Variants in KDM2A observed in about 807,000 individuals in gnomAD.
KDM2A encodes lysine-specific demethylase 2A.
KDM2A carries 3 observed loss-of-function variants against 137.3 expected under a neutral mutation model. The observed-to-expected ratio is 0.02, with a 90% CI of 0.01 to 0.06. KDM2A has a LOEUF of 0.06. KDM2A is among the 10% of genes least tolerant of loss of function. The pLI, the probability that KDM2A is intolerant of heterozygous loss-of-function variation, is 1.00. For missense variants in KDM2A, 738 were observed against 1,510.6 expected, an observed-to-expected ratio of 0.49 and a Z score of 8.48; for synonymous variants, 512 against 541.5, an observed-to-expected ratio of 0.95 and a Z score of 0.76.
At chr11:67,156,409 C>T (rs1197791068) in intron 2 of KDM2A, among the ~76,000 whole-genome samples, 1 of 151,852 alleles carries the variant, frequency 6.6e-6, no homozygotes, top group Non-Finnish European at 1.5e-5. Flanking sequence ...ATGGTGAAAC[C>T]CTGTCTCTAC....
intron 2 of KDM2A, among the ~76,000 whole-genome samples, chr11:67,122,813 C>G (rs1855629099): frequency 6.6e-6 from 1 of 151,696 alleles, no homozygotes; most frequent in African/African-American, 2.4e-5. Context: ...GTAGCTGGGA[C>G]TATCGGCGCC....
chr11:67,186,940 G>A (rs2136343780), intron 5 of KDM2A, among the ~76,000 whole-genome samples: 1 of 152,262 alleles, frequency 6.6e-6, no homozygotes, highest in East Asian at 1.9e-4. Flanking sequence ...ATTAATTTAA[G>A]TTTAAGGGCA....
chr11:67,147,358 C>G (rs1856276048), intron 2 of KDM2A, among the ~76,000 whole-genome samples: 1 of 151,910 alleles, frequency 6.6e-6, no homozygotes, highest in East Asian at 1.9e-4. Context: ...CTGGCTAACA[C>G]GGTGAAACCC....
At position 67,180,030 on chromosome 11, in the gene KDM2A, A is replaced by G. The variant is rs760880832; in HGVS notation, c.43-49A>G. 9 of 1,570,538 alleles carry G rather than the reference A, an allele frequency of 5.7e-6. No individual in the cohort carries two copies. In the African/African-American group the frequency reaches 8.2e-5, roughly 14 times the overall value. On this transcript the variant is annotated intron_variant, in intron 2 of 20. Transcript: ENST00000529006. ...GGGAAATCTATGACCACTTGTAGGT[A>G]GGCATGAAAAAGTGCATGATTTCAT...
intron 2 of KDM2A, among the ~76,000 whole-genome samples, chr11:67,165,698 C>A (rs573473884): frequency 6.6e-6 from 1 of 152,190 alleles, no homozygotes; most frequent in South Asian, 2.1e-4. Context: ...TCCCTTAATT[C>A]ACTTAAAGAC....
intron 6 of KDM2A, among the ~76,000 whole-genome samples, chr11:67,211,613 CAAAAAAAAAAAAAAA>C (rs377116306): frequency 2.0e-5 from 1 of 50,246 alleles, no homozygotes. Context: ...GACCCTGTCT[CAAAAAAAAAAAAAAA>C]AAAAAAAAAA....
At chr11:67,232,048 G>T in intron 12 of KDM2A, 88 bp downstream of exon 12, 1 of 1,350,418 alleles carries the variant, frequency 7.4e-7, no homozygotes, top group Non-Finnish European at 1.0e-6. Context: ...TAGGAATTTT[G>T]GGTGATCTCT....
intron 10 of KDM2A, among the ~76,000 whole-genome samples, chr11:67,221,478 T>C (rs1261031799): frequency 1.3e-5 from 2 of 152,232 alleles, no homozygotes; most frequent in South Asian, 2.1e-4. Context: ...CACTGACCTA[T>C]GTACTGCAAT....
rs1379233084 is a variant in KDM2A at position 67,217,980 on chromosome 11, C to T, written c.841+96C>T. ...CACCAAGAATAGTTATGATGCTGGGCGTCTGCAGAAAACAACAGTGTTTCT... is the reference window on the plus strand; with the variant it reads ...CACCAAGAATAGTTATGATGCTGGGTGTCTGCAGAAAACAACAGTGTTTCT... On this transcript the variant is annotated intron_variant, in intron 9 of 20. Transcript: ENST00000529006. 2.4e-5 allele frequency: 26 copies of T among 1,096,292 alleles called. No individual in the cohort carries two copies. In the Admixed American group the frequency reaches 7.2e-4, roughly 30 times the overall value. The allele number at this position is 1,096,292 out of a possible 1,614,324, so 67.9% of individuals were successfully genotyped here. A position where few individuals can be genotyped will look rare whatever the true frequency, so the allele number is the denominator to read the frequency against.
intron 12 of KDM2A, among the ~76,000 whole-genome samples, chr11:67,239,264 G>A (rs1187940072): frequency 2.0e-5 from 3 of 152,190 alleles, no homozygotes; most frequent in African/African-American, 7.2e-5. Context: ...AGAGGCAGGA[G>A]GGCAAAGTGT....
intron 2 of KDM2A, among the ~76,000 whole-genome samples, chr11:67,149,569 C>T (rs1251549270): frequency 1.3e-5 from 2 of 152,024 alleles, no homozygotes; most frequent in Non-Finnish European, 2.9e-5. Context: ...CTAACCCCTT[C>T]ACCAGATGTA....
Position 67,121,288 on chromosome 11 carries a change from T to C in KDM2A, c.-29T>C. On this transcript the variant is annotated 5_prime_UTR_variant, in exon 2 of 21. Coordinates refer to ENST00000529006, the MANE Select transcript of KDM2A (RefSeq NM_012308.3). The stretch of plus-strand genomic sequence containing the variant: ...GGAAGGCAGCCCTGGAGTGGTTTCT[T>C]TACAGTAATTTCAACAGAAGAGTGA... The C allele has an allele frequency of 6.2e-7, 1 of 1,610,132 alleles. No homozygotes were observed. The highest frequency in any genetic ancestry group is 8.5e-7 in the Non-Finnish European group (1 of 1,176,578).
intron 2 of KDM2A, among the ~76,000 whole-genome samples, chr11:67,139,642 G>T (rs1368763076): frequency 6.6e-6 from 1 of 151,996 alleles, no homozygotes; most frequent in Admixed American, 6.6e-5. Context: ...GCCTCTCAAA[G>T]TACTAGTATT....
intron 5 of KDM2A, among the ~76,000 whole-genome samples, chr11:67,202,631 C>T (rs1857660806): frequency 6.6e-6 from 1 of 151,200 alleles, no homozygotes; most frequent in Non-Finnish European, 1.5e-5. Flanking sequence ...AAAAAACTAG[C>T]CAGGCATGGT....
chr11:67,157,279 C>T (rs1004602346), intron 2 of KDM2A, among the ~76,000 whole-genome samples: 6 of 146,360 alleles, frequency 4.1e-5, no homozygotes, highest in African/African-American at 1.3e-4. Context: ...CGCCACTGCA[C>T]TCCATCCAGC....
intron 16 of KDM2A, among the ~76,000 whole-genome samples, chr11:67,249,776 C>T (rs1859351821): frequency 6.6e-6 from 1 of 152,168 alleles, no homozygotes; most frequent in Non-Finnish European, 1.5e-5. Context: ...TATATGTGGG[C>T]TTTTTCCACC....
intron 5 of KDM2A, 95 bp downstream of exon 5, chr11:67,181,987 T>C (rs1001135238): frequency 7.0e-6 from 7 of 1,002,204 alleles, no homozygotes; most frequent in South Asian, 4.1e-5. Context: ...CCTAGGAACA[T>C]TGAAGTATAT....
intron 2 of KDM2A, among the ~76,000 whole-genome samples, chr11:67,171,821 G>A (rs192781219): frequency 2.0e-5 from 3 of 152,146 alleles, no homozygotes; most frequent in Non-Finnish European, 2.9e-5. Flanking sequence ...CCTGGTCTTG[G>A]CATGCTTACT....
intron 5 of KDM2A, among the ~76,000 whole-genome samples, chr11:67,185,315 G>C (rs1190763405): frequency 6.6e-6 from 1 of 152,152 alleles, no homozygotes; most frequent in Non-Finnish European, 1.5e-5. Flanking sequence ...TTGAAGAAAA[G>C]TGAACATAGC....
Sources: allele counts gnomAD v4.1 joint callset (sites outside exome capture counted in the v4.1 genomes callset), GRCh38; gene constraint gnomAD v4.1.1; transcripts MANE v1.5; gene names NCBI Gene and HGNC (gene_info 2026-07-23, HGNC 2026-07-21).